Variants in ADARB2 observed in about 807,000 individuals in gnomAD.
ADARB2 encodes the protein adenosine deaminase RNA specific B2 (inactive), also known as inactive double-stranded RNA-specific editase B2.
In ADARB2, 25 loss-of-function variants were observed where a neutral mutation model predicts 62.2. The ratio of observed to expected loss-of-function variants is 0.40; its 90% CI spans 0.29 to 0.56. The LOEUF (loss-of-function observed/expected upper bound fraction) is 0.56, where lower values mean the gene tolerates loss of function less well. Ranked by LOEUF, ADARB2 falls within the 20% of genes least tolerant of loss-of-function variation. ADARB2 has a pLI of 0.43. For synonymous variants in ADARB2, 572 were observed against 500.8 expected, an observed-to-expected ratio of 1.14 and a Z score of -1.90; for missense variants, 1,071 against 1,077.4, an observed-to-expected ratio of 0.99 and a Z score of 0.08.
intron 3 of ADARB2, chr10:1,290,101 A>G (rs1327404396): frequency 6.6e-6 from 1 of 152,398 alleles, no homozygotes; most frequent in Middle Eastern, 3.4e-3. Flanking sequence ...CGGCTTTAAA[A>G]TGAAGGATCT....
chr10:1,223,394 T>C (rs1028810195), intron 6 of ADARB2, among the ~76,000 whole-genome samples: 2 of 152,186 alleles, frequency 1.3e-5, no homozygotes, highest in African/African-American at 4.8e-5. Context: ...TTTTTCTAAT[T>C]GAATAACCTT....
chr10:1,315,334 C>A (rs971250776), intron 3 of ADARB2, among the ~76,000 whole-genome samples: 3 of 152,192 alleles, frequency 2.0e-5, no homozygotes, highest in Admixed American at 1.3e-4. Flanking sequence ...AGGTTTCCGC[C>A]TTCATTGATT....
At chr10:1,569,738 G>T (rs1341899781) in intron 1 of ADARB2, among the ~76,000 whole-genome samples, 1 of 151,962 alleles carries the variant, frequency 6.6e-6, no homozygotes, top group Non-Finnish European at 1.5e-5. Context: ...TAGACACATA[G>T]AAATTATTTT....
chr10:1,293,437 TTTC>T (rs1831496125), intron 3 of ADARB2, among the ~76,000 whole-genome samples: 3 of 152,104 alleles, frequency 2.0e-5, no homozygotes, highest in East Asian at 1.9e-4. Flanking sequence ...CTCCTCTGCC[TTTC>T]TTCTTGTGTG....
At chr10:1,479,983 T>C (rs564603605) in intron 1 of ADARB2, among the ~76,000 whole-genome samples, 2 of 151,896 alleles carry the variant, frequency 1.3e-5, no homozygotes, top group Admixed American at 6.6e-5. Context: ...ACAGAAGAGA[T>C]GGAAGGAGCT....
chr10:1,568,549 AAAGAAAGAAAAGAAGGAAGG>A (rs1350773494), intron 1 of ADARB2, among the ~76,000 whole-genome samples: 1 of 151,790 alleles, frequency 6.6e-6, no homozygotes, highest in Non-Finnish European at 1.5e-5. Flanking sequence ...GAAAGAAAAG[AAAGAAAGAAAAGAAGGAAGG>A]AAGAAAGAAA....
intron 7 of ADARB2, among the ~76,000 whole-genome samples, chr10:1,205,726 T>A (rs1310453694): frequency 1.3e-5 from 2 of 152,254 alleles, no homozygotes; most frequent in Non-Finnish European, 2.9e-5. Context: ...GACCTTGGCT[T>A]CCAGCCTCCA....
In ADARB2 at chr10:1,180,625, C is replaced by T. The variant is rs2131731191; in HGVS notation, c.*2568G>A. 1 of 152,136 alleles carries T rather than the reference C, an allele frequency of 6.6e-6. No homozygotes were observed. The highest frequency in any genetic ancestry group is 2.4e-5 in the African/African-American group (1 of 41,440). 9.4% of individuals were successfully genotyped at this position (152,136 alleles called of 1,614,324 possible). On this transcript the variant is annotated 3_prime_UTR_variant, in exon 10 of 10. Coordinates refer to ENST00000381312, the MANE Select transcript of ADARB2 (RefSeq NM_018702.4). ...GACTGCCTCGACTACCTTCTCCTTT[C>T]ACTACCCAGGGCCTGGGACCCTCCT... is the stretch of plus-strand genomic sequence containing the variant.
chr10:1,539,573 G>A (rs1037424610), intron 1 of ADARB2, among the ~76,000 whole-genome samples: 1 of 152,224 alleles, frequency 6.6e-6, no homozygotes, highest in Non-Finnish European at 1.5e-5. Context: ...CCGGAAATTG[G>A]GGAGGCCCAC....
At chr10:1,349,382 A>G (rs1305585814) in intron 3 of ADARB2, among the ~76,000 whole-genome samples, 1 of 152,098 alleles carries the variant, frequency 6.6e-6, no homozygotes, top group Non-Finnish European at 1.5e-5. Flanking sequence ...TTGCTCCCAC[A>G]AAGCCTGTTT....
chr10:1,350,905 T>G (rs1832130339), intron 3 of ADARB2, among the ~76,000 whole-genome samples: 1 of 152,106 alleles, frequency 6.6e-6, no homozygotes, highest in Non-Finnish European at 1.5e-5. Context: ...TGAGTTGCAA[T>G]TCCTTGCATC....
chr10:1,653,958 A>G (rs372288037), intron 1 of ADARB2, among the ~76,000 whole-genome samples: 24 of 152,182 alleles, frequency 1.6e-4, no homozygotes, highest in African/African-American at 5.3e-4. Context: ...GAGGGGAGTA[A>G]CAGAATGAGC....
chr10:1,732,440 C>A (rs1232703840), intron 1 of ADARB2, among the ~76,000 whole-genome samples: 1 of 152,118 alleles, frequency 6.6e-6, no homozygotes, highest in Non-Finnish European at 1.5e-5. Flanking sequence ...TTTTATTCTA[C>A]ATTCAAACTC....
rs570802147 is a variant in ADARB2 at position 1,490,720 on chromosome 10, G to A, written c.101-111560C>T. Among the ~76,000 whole-genome samples, 95 of 152,280 alleles carry A rather than the reference G, an allele frequency of 6.2e-4. 1 individual carries two copies. In the South Asian group the frequency reaches 0.017, roughly 27 times the overall value. On this transcript the variant is annotated intron_variant, in intron 1 of 9. Transcript: ENST00000381312. Reference sequence around the variant, plus strand: ...TCTGCTCTCTTTGGCTTCCCAAAGTGCTGGAATCACCCGCCTGAGCCAAGA... The same window carrying A: ...TCTGCTCTCTTTGGCTTCCCAAAGTACTGGAATCACCCGCCTGAGCCAAGA...
rs553356662 is a variant in ADARB2, at chr10:1,269,674, C to G, written c.1192+1281G>C. Among the ~76,000 whole-genome samples the G allele has an allele frequency of 2.6e-5, 4 of 152,244 alleles. No homozygotes were observed. The East Asian group carries it at 7.7e-4, about 29-fold the overall frequency. ...AGGATGATGCTCTTGGCCTGCCAAACTCACTGCTCCCTCAGTGAGACTGCT... is the reference window on the plus strand; with the variant it reads ...AGGATGATGCTCTTGGCCTGCCAAAGTCACTGCTCCCTCAGTGAGACTGCT... On this transcript the variant is annotated intron_variant, in intron 4 of 9. Coordinates refer to ENST00000381312, the MANE Select transcript of ADARB2 (RefSeq NM_018702.4).
chr10:1,436,186 C>T (rs1284515097), intron 1 of ADARB2, among the ~76,000 whole-genome samples: 1 of 152,176 alleles, frequency 6.6e-6, no homozygotes, highest in African/African-American at 2.4e-5. Flanking sequence ...GTACAATGAA[C>T]ACCTCTATTC....
chr10:1,628,024 G>A (rs1353761864), intron 1 of ADARB2, among the ~76,000 whole-genome samples: 1 of 152,238 alleles, frequency 6.6e-6, no homozygotes, highest in African/African-American at 2.4e-5. Flanking sequence ...GCTGATGTGG[G>A]CTTTCGCCCA....
chr10:1,222,121 A>G (rs1475993633), intron 6 of ADARB2, among the ~76,000 whole-genome samples: 1 of 152,196 alleles, frequency 6.6e-6, no homozygotes, highest in Non-Finnish European at 1.5e-5. Context: ...AACTGGTGTG[A>G]GATGGTATCT....
intron 1 of ADARB2, among the ~76,000 whole-genome samples, chr10:1,389,146 G>C (rs918727638): frequency 5.3e-5 from 8 of 152,100 alleles, no homozygotes; most frequent in African/African-American, 1.9e-4. Context: ...ATCACAAGAT[G>C]GATCACAGAC....
Sources: gnomAD v4.1 joint callset for allele counts (sites outside exome capture counted in the v4.1 genomes callset) on GRCh38, gnomAD v4.1.1 for gene constraint, MANE v1.5 for transcripts, NCBI Gene and HGNC (gene_info 2026-07-23, HGNC 2026-07-21) for gene names.